Variants in GALNT13 observed in about 807,000 individuals in gnomAD.
GALNT13 encodes polypeptide N-acetylgalactosaminyltransferase 13, also known as UDP-GalNAc:polypeptide N-acetylgalactosaminyltransferase 13.
GALNT13 carries 28 observed loss-of-function variants against 64.2 expected under a neutral mutation model. The ratio of observed to expected loss-of-function variants is 0.44; its 90% confidence interval spans 0.32 to 0.60. The LOEUF (loss-of-function observed/expected upper bound fraction) is 0.60, where lower values mean the gene tolerates loss of function less well. Ranked by LOEUF, GALNT13 falls within the 20% of genes least tolerant of loss-of-function variation. The pLI is 0.05. For synonymous variants in GALNT13, 214 were observed against 224.6 expected, an observed-to-expected ratio of 0.95 and a Z score of 0.42; for missense variants, 577 against 669.8, an observed-to-expected ratio of 0.86 and a Z score of 1.53.
At chr2:153,884,776 T>C (rs2105249292) in intron 1 of GALNT13, among the ~76,000 whole-genome samples, 1 of 117,992 alleles carries the variant, frequency 8.5e-6, no homozygotes, top group Admixed American at 8.4e-5. Context: ...AATATATATA[T>C]ATATATATAT....
chr2:154,445,847 A>T (rs1327571541), intron 12 of GALNT13: 9 of 1,287,904 alleles, frequency 7.0e-6, no homozygotes, highest in Non-Finnish European at 9.1e-6. Flanking sequence ...TTCAAGATGT[A>T]GGTGGCCATA....
chr2:154,340,419 T>A (rs989715817), intron 9 of GALNT13, among the ~76,000 whole-genome samples: 1 of 152,064 alleles, frequency 6.6e-6, no homozygotes, highest in Non-Finnish European at 1.5e-5. Context: ...ACATATATTC[T>A]CCAAATGCAA....
At chr2:153,976,037 C>G (rs151168871) in intron 3 of GALNT13, among the ~76,000 whole-genome samples, 2 of 152,066 alleles carry the variant, frequency 1.3e-5, no homozygotes, top group Non-Finnish European at 2.9e-5. Context: ...CCTGACCATT[C>G]CAGCTGACAT....
chr2:153,829,239 C>A, the GALNT13 span, among the ~76,000 whole-genome samples: 1 of 152,072 alleles, frequency 6.6e-6, no homozygotes, highest in African/African-American at 2.4e-5. Context: ...CAGCACCCCA[C>A]TCTACTGGTA....
Position 154,153,481 on chromosome 2 carries a change from A to C in GALNT13, c.311+12976A>C, listed in dbSNP as rs536414917. Among the ~76,000 whole-genome samples the C allele has an allele frequency of 3.9e-5, 6 of 152,342 alleles. No individual in the cohort carries two copies. In the East Asian group the frequency reaches 1.2e-3, roughly 29 times the overall value. Reference sequence around the variant, plus strand: ...CAAAGCTGTCAGACAGGGACATTTAAGTCTGCAGAGTTTACTGGTGTCTTT... The same window carrying C: ...CAAAGCTGTCAGACAGGGACATTTACGTCTGCAGAGTTTACTGGTGTCTTT... On this transcript the variant is annotated intron_variant, in intron 4 of 12. Transcript: ENST00000392825.
intron 8 of GALNT13, among the ~76,000 whole-genome samples, chr2:154,265,373 G>A (rs185119543): frequency 6.6e-6 from 1 of 152,068 alleles, no homozygotes; most frequent in East Asian, 1.9e-4. Flanking sequence ...TAACCTAACT[G>A]GTGAACTCTA....
the GALNT13 span, among the ~76,000 whole-genome samples, chr2:153,124,730 T>A: frequency 3.9e-5 from 6 of 152,034 alleles, no homozygotes; most frequent in African/African-American, 1.4e-4. Context: ...TCTCAATCTC[T>A]TGACCTCGTG....
intron 9 of GALNT13, among the ~76,000 whole-genome samples, chr2:154,346,727 A>G (rs973252216): frequency 6.6e-6 from 1 of 152,140 alleles, no homozygotes; most frequent in African/African-American, 2.4e-5. Flanking sequence ...AGAACAGACT[A>G]ATACATATCA....
intron 4 of GALNT13, among the ~76,000 whole-genome samples, chr2:154,233,037 CAAAAAAAA>C (rs375484057): frequency 3.4e-5 from 2 of 59,070 alleles, no homozygotes; most frequent in East Asian, 5.1e-4. Flanking sequence ...GACCCTGTCT[CAAAAAAAA>C]AAAAAAAAAA....
the GALNT13 span, among the ~76,000 whole-genome samples, chr2:153,853,206 T>G: frequency 1.9e-4 from 29 of 152,296 alleles, no homozygotes; most frequent in African/African-American, 6.7e-4. Context: ...GCCTGCTTTA[T>G]TCTAGACATG....
At chr2:153,345,724 T>C in the GALNT13 span, among the ~76,000 whole-genome samples, 7 of 118,534 alleles carry the variant, frequency 5.9e-5, no homozygotes, top group African/African-American at 2.5e-4. Flanking sequence ...TTTCTGTCCT[T>C]CCTTCCTTCC....
the GALNT13 span, among the ~76,000 whole-genome samples, chr2:153,185,386 ATTTC>A: frequency 1.3e-5 from 2 of 151,824 alleles, no homozygotes; most frequent in African/African-American, 4.8e-5. Flanking sequence ...CCATCTTATT[ATTTC>A]TTTCTCAAAA....
the GALNT13 span, among the ~76,000 whole-genome samples, chr2:153,252,013 A>C: frequency 6.6e-6 from 1 of 151,528 alleles, no homozygotes; most frequent in Non-Finnish European, 1.5e-5. Context: ...GTCAAATGGT[A>C]TTTCTAGTTC....
At chr2:154,134,441 C>A (rs958051481) in intron 3 of GALNT13, among the ~76,000 whole-genome samples, 1 of 152,098 alleles carries the variant, frequency 6.6e-6, no homozygotes, top group Non-Finnish European at 1.5e-5. Context: ...TCAATTCACC[C>A]ATTAAATTTC....
chr2:154,393,947 G>A (rs1192315135), intron 9 of GALNT13, among the ~76,000 whole-genome samples: 1 of 148,980 alleles, frequency 6.7e-6, no homozygotes, highest in Non-Finnish European at 1.5e-5. Flanking sequence ...GCGTAGTGGC[G>A]GGCGCCTGTA....
At chr2:154,063,927 T>G (rs2105373047) in intron 3 of GALNT13, among the ~76,000 whole-genome samples, 1 of 152,256 alleles carries the variant, frequency 6.6e-6, no homozygotes, top group South Asian at 2.1e-4. Context: ...ACCAGTCAGG[T>G]AAGCCATGAT....
At chr2:153,965,325 C>T (rs755037074) in intron 3 of GALNT13, among the ~76,000 whole-genome samples, 1 of 152,104 alleles carries the variant, frequency 6.6e-6, no homozygotes, top group Non-Finnish European at 1.5e-5. Flanking sequence ...TACTCATTAA[C>T]TAATTTTTCT....
At chr2:153,101,793 A>C in the GALNT13 span, among the ~76,000 whole-genome samples, 2,362 of 152,350 alleles carry the variant, frequency 0.016, 28 homozygotes, top group South Asian at 0.064. Context: ...TTCTTCATAT[A>C]GACATATGCA....
intron 3 of GALNT13, among the ~76,000 whole-genome samples, chr2:154,104,714 C>T (rs1251961007): frequency 1.3e-5 from 2 of 152,218 alleles, no homozygotes; most frequent in African/African-American, 2.4e-5. Flanking sequence ...TCCCACAGCT[C>T]TCCGGGACCT....
Sources: allele counts gnomAD v4.1 joint callset (sites outside exome capture counted in the v4.1 genomes callset), GRCh38; gene constraint gnomAD v4.1.1; transcripts MANE v1.5; gene names NCBI Gene and HGNC (gene_info 2026-07-23, HGNC 2026-07-21).